Variants in CUTC observed in about 807,000 individuals in gnomAD.
The protein encoded by CUTC is copper homeostasis protein cutC homolog.
In CUTC, 27 loss-of-function variants were observed where a neutral mutation model predicts 36.2. The ratio of observed to expected loss-of-function variants is 0.75; its 90% CI spans 0.55 to 1.03. The LOEUF is 1.03. Ranked by LOEUF, CUTC falls within the 50% of genes least tolerant of loss-of-function variation. The pLI, the probability that CUTC is intolerant of heterozygous loss-of-function variation, is 0.00. For synonymous variants in CUTC, 114 were observed against 118.3 expected (o/e 0.96, Z 0.24); for missense variants, 315 against 343.5 (o/e 0.92, Z 0.66).
chr10:99,732,356 G>C lies in CUTC; in HGVS notation c.8G>C (p.Arg3Thr), dbSNP rs886046614. 5.8e-6 allele frequency: 9 copies of C among 1,552,930 alleles called. No homozygotes were observed. Among genetic ancestry groups the C allele is most frequent in the Non-Finnish European group, 7.8e-6 (9 of 1,147,976 alleles). MKRQGASSERKRA... is the reference protein window; with the variant it reads MKTQGASSERKRA... Reference sequence around the variant, plus strand: ...GGGAGGAACGCGTGGAGCATGAAAAGGCAGGGGGCCTCCTCTGAGCGAAAA... The same window carrying C: ...GGGAGGAACGCGTGGAGCATGAAAACGCAGGGGGCCTCCTCTGAGCGAAAA... The change falls in exon 1 of 9, where the codon AGG becomes ACG. Residue 3 changes from arginine (R) to threonine (T), a missense_variant. Physicochemically the swap from Arg to Thr is moderately conservative, Grantham distance 71. Transcript: ENST00000370476.
intron 7 of CUTC, among the ~76,000 whole-genome samples, chr10:99,753,929 G>C (rs571927461): frequency 1.3e-5 from 2 of 152,266 alleles, no homozygotes; most frequent in South Asian, 2.1e-4. Flanking sequence ...ACTAGTATCA[G>C]TTCAGAATAT....
At chr10:99,739,790 G>A in intron 3 of CUTC, 21 bp downstream of exon 3, 2 of 1,601,090 alleles carry the variant, frequency 1.2e-6, no homozygotes, top group South Asian at 2.3e-5. Context: ...ATTTTTCCCA[G>A]GTTTTCTGAT....
At position 99,755,797 on chromosome 10, in the gene CUTC, A is replaced by G. The variant is rs1265285846; in HGVS notation, c.*58A>G. ...GATGAAGGTAGAACTATAATCTGCA[A>G]TTCTCTATGACACAGCTTTAACCTT... On this transcript the variant is annotated 3_prime_UTR_variant, in exon 9 of 9. Coordinates refer to ENST00000370476, the MANE Select transcript of CUTC (RefSeq NM_015960.3). 8.1e-6 allele frequency: 9 copies of G among 1,116,118 alleles called. No individual in the cohort carries two copies. Among genetic ancestry groups the G allele is most frequent in the South Asian group, 3.9e-5 (3 of 77,440 alleles). 69.1% of individuals were successfully genotyped at this position (1,116,118 alleles called of 1,614,324 possible).
Position 99,755,924 on chromosome 10 carries a change from TC to T in CUTC, c.*187del. 1.1e-5 allele frequency: 6 copies of T among 543,374 alleles called. No homozygotes were observed. The South Asian group carries it at 1.3e-4, about 12-fold the overall frequency. 33.7% of individuals were successfully genotyped at this position (543,374 alleles called of 1,614,324 possible). On this transcript the variant is annotated 3_prime_UTR_variant, in exon 9 of 9. Coordinates refer to ENST00000370476, the MANE Select transcript of CUTC (RefSeq NM_015960.3). ...AATTTGAAACAGAGATACAGTCACT[TC>T]CTTTGCTTAGTCTTACCAGTGATTG... is the stretch of plus-strand genomic sequence containing the variant.
In CUTC at chr10:99,733,217, G is replaced by A. The variant is rs187836800; in HGVS notation, c.61+808G>A. ...CCAGTTACTCGGGAGGCTGAGGCAG[G>A]AGAATCACTTGAACCCGGGAGGCGG... On this transcript the variant is annotated intron_variant, in intron 1 of 8. Coordinates refer to ENST00000370476, the MANE Select transcript of CUTC (RefSeq NM_015960.3). Among the ~76,000 whole-genome samples, 243 of 152,278 alleles carry A rather than the reference G, an allele frequency of 1.6e-3. 3 individuals carry two copies. Among genetic ancestry groups the A allele is most frequent in the Admixed American group, 8.1e-3 (124 of 15,298 alleles).
intron 1 of CUTC, 42 bp from the exon 2 acceptor site, chr10:99,736,204 A>G (rs1370941457): frequency 6.4e-7 from 1 of 1,561,848 alleles, no homozygotes; most frequent in Non-Finnish European, 8.8e-7. Context: ...GTCTGGATGG[A>G]TAGAACCTTT....
intron 7 of CUTC, among the ~76,000 whole-genome samples, chr10:99,752,887 C>G (rs1331311200): frequency 1.3e-5 from 2 of 152,128 alleles, no homozygotes; most frequent in Admixed American, 1.3e-4. Flanking sequence ...CTTATAAACA[C>G]AAATGTATTA....
rs1365529695 is a variant in CUTC at position 99,755,925 on chromosome 10, CCTTTG to C, written c.*190_*194del. The stretch of plus-strand genomic sequence containing the variant: ...ATTTGAAACAGAGATACAGTCACTT[CCTTTG>C]CTTAGTCTTACCAGTGATTGTCATC... On this transcript the variant is annotated 3_prime_UTR_variant, in exon 9 of 9. Transcript: ENST00000370476. 5.6e-6 allele frequency: 3 copies of C among 539,746 alleles called. No individual in the cohort carries two copies. The Admixed American group carries it at 1.0e-4, about 18-fold the overall frequency. The allele number at this position is 539,746 out of a possible 1,614,324, so 33.4% of individuals were successfully genotyped here. A position where few individuals can be genotyped will look rare whatever the true frequency, so the allele number is the denominator to read the frequency against.
intron 7 of CUTC, among the ~76,000 whole-genome samples, chr10:99,751,145 T>A (rs1220920717): frequency 1.3e-5 from 2 of 152,248 alleles, no homozygotes; most frequent in African/African-American, 2.4e-5. Context: ...GGTATTTTAT[T>A]AAAGTTAAAT....
chr10:99,737,644 T>C (rs913331191), intron 2 of CUTC, among the ~76,000 whole-genome samples: 1 of 152,202 alleles, frequency 6.6e-6, no homozygotes, highest in Non-Finnish European at 1.5e-5. Flanking sequence ...GTGAATTATA[T>C]GTCCATAAAG....
chr10:99,736,287 G>T lies in CUTC; in HGVS notation c.103G>T (p.Val35Leu). The T allele has an allele frequency of 6.2e-7, 1 of 1,613,742 alleles. No homozygotes were observed. The highest frequency in any genetic ancestry group is 8.5e-7 in the Non-Finnish European group (1 of 1,179,718). The change falls in exon 2 of 9, where the codon GTG (valine) becomes TTG (leucine). Residue 35 changes from valine (V) to leucine (L), a missense_variant. Val to Leu is a conservative substitution (Grantham distance 32). Coordinates refer to ENST00000370476, the MANE Select transcript of CUTC (RefSeq NM_015960.3). ...GFLMEVCVDS[V>L]ESAVNAERGG... ...TCTCATGGAAGTTTGTGTTGATTCA[G>T]TGGAATCAGCTGTGAATGCAGAAAG...
chr10:99,754,443 C>A, intron 7 of CUTC, 86 bp from the exon 8 acceptor site: 1 of 863,824 alleles, frequency 1.2e-6, no homozygotes. Context: ...TTTGGGGATT[C>A]CAAGTAAAGT....
intron 7 of CUTC, among the ~76,000 whole-genome samples, chr10:99,753,706 C>T (rs925993605): frequency 6.6e-6 from 1 of 152,174 alleles, no homozygotes; most frequent in Non-Finnish European, 1.5e-5. Context: ...CCACCACACT[C>T]AGCCTTTTTT....
intron 6 of CUTC, among the ~76,000 whole-genome samples, chr10:99,748,103 G>A (rs958743932): frequency 6.6e-6 from 1 of 152,158 alleles, no homozygotes; most frequent in African/African-American, 2.4e-5. Flanking sequence ...CAGACTTTGA[G>A]ATGAGAGAGT....
At chr10:99,739,686 T>G (rs758861003) in intron 2 of CUTC, 24 bp from the exon 3 acceptor site, 2 of 1,605,100 alleles carry the variant, frequency 1.2e-6, no homozygotes, top group South Asian at 2.3e-5. Context: ...TAAAAATGTG[T>G]TGAGCAATGC....
intron 5 of CUTC, 123 bp downstream of exon 5, chr10:99,744,195 G>T (rs1200244481): frequency 4.3e-6 from 3 of 704,824 alleles, no homozygotes; most frequent in Admixed American, 3.2e-5. Context: ...TGGTTTTTTA[G>T]ATCCTAGGAC....
intron 7 of CUTC, 56 bp downstream of exon 7, chr10:99,750,452 G>A: frequency 7.3e-7 from 1 of 1,377,104 alleles, no homozygotes; most frequent in Non-Finnish European, 9.9e-7. Flanking sequence ...TGGAGGAAGA[G>A]CAAAGGAGGC....
chr10:99,741,656 C>T (rs2037342025), intron 3 of CUTC, among the ~76,000 whole-genome samples: 1 of 152,110 alleles, frequency 6.6e-6, no homozygotes, highest in Admixed American at 6.5e-5. Context: ...CCTCAAACTC[C>T]TGGGCTCAAG....
chr10:99,736,078 A>G lies in CUTC; in HGVS notation c.62-168A>G, dbSNP rs189604434. On this transcript the variant is annotated intron_variant, in intron 1 of 8. Coordinates refer to ENST00000370476, the MANE Select transcript of CUTC (RefSeq NM_015960.3). ...TACCTATTTCAGTCTATAGGCATCA[A>G]TTCAATAATTAATGTGATATTTTAT... Among the ~76,000 whole-genome samples the G allele has an allele frequency of 9.8e-5, 15 of 152,364 alleles. No individual in the cohort carries two copies. In the East Asian group the frequency reaches 2.5e-3, roughly 25 times the overall value.
Sources: allele counts gnomAD v4.1 joint callset (sites outside exome capture counted in the v4.1 genomes callset), GRCh38; gene constraint gnomAD v4.1.1; transcripts MANE v1.5; gene names NCBI Gene and HGNC (gene_info 2026-07-23, HGNC 2026-07-21).